Variants in LONP2 observed in about 807,000 individuals in gnomAD.
The protein encoded by LONP2 is lon peptidase 2, peroxisomal.
Under a neutral mutation model 85.6 loss-of-function variants are expected in LONP2, and 60 were observed. The observed-to-expected ratio is 0.70, with a 90% CI of 0.57 to 0.87. The LOEUF is 0.87. LONP2 is among the 40% of genes least tolerant of loss of function. The probability of loss-of-function intolerance (pLI) is 0.00; values close to 1 mark genes in which losing one functional copy is unlikely to be tolerated. For missense variants in LONP2, 860 were observed against 1,063.5 expected (o/e 0.81, Z 2.66); for synonymous variants, 395 against 389.7 (o/e 1.01, Z -0.16).
At position 48,268,639 on chromosome 16, in the gene LONP2, C is replaced by T. The variant is rs1972039832; in HGVS notation, c.983-1377C>T. Reference sequence around the variant, plus strand: ...GTAGGTTTTAGTGTCAGGGCTAGCACTGTGAAACAATTGAGAAACTCTCTA... The same window carrying T: ...GTAGGTTTTAGTGTCAGGGCTAGCATTGTGAAACAATTGAGAAACTCTCTA... On this transcript the variant is annotated intron_variant, in intron 6 of 14. Coordinates refer to ENST00000285737, the MANE Select transcript of LONP2 (RefSeq NM_031490.5). 2.6e-5 allele frequency among the ~76,000 whole-genome samples: 4 copies of T among 152,182 alleles called. No homozygotes were observed. The South Asian group carries it at 8.3e-4, about 32-fold the overall frequency.
chr16:48,262,515 G>A (rs1291413049), intron 5 of LONP2, among the ~76,000 whole-genome samples: 1 of 152,208 alleles, frequency 6.6e-6, no homozygotes, highest in East Asian at 1.9e-4. Context: ...ACTTTGTAGA[G>A]AAAGCAGAGC....
chr16:48,255,366 A>C (rs1305637867), intron 2 of LONP2, among the ~76,000 whole-genome samples: 1 of 152,160 alleles, frequency 6.6e-6, no homozygotes, highest in South Asian at 2.1e-4. Flanking sequence ...CACTTCCACT[A>C]CGTTTCATGG....
chr16:48,348,004 C>A, intron 13 of LONP2, 96 bp from the exon 14 acceptor site: 1 of 1,163,610 alleles, frequency 8.6e-7, no homozygotes, highest in Non-Finnish European at 1.2e-6. Flanking sequence ...AATTCATTTA[C>A]CCAAAACATT....
chr16:48,309,293 G>A (rs1273728192), intron 11 of LONP2, among the ~76,000 whole-genome samples: 1 of 151,944 alleles, frequency 6.6e-6, no homozygotes, highest in Non-Finnish European at 1.5e-5. Context: ...CCCACTACTG[G>A]GTATATACCC....
chr16:48,348,372 T>G, intron 14 of LONP2, 82 bp downstream of exon 14: 3 of 893,184 alleles, frequency 3.4e-6, no homozygotes, highest in Non-Finnish European at 4.5e-6. Context: ...CGGGTTTGCC[T>G]TCTTTCTATG....
chr16:48,309,747 GT>G (rs2151006547), intron 11 of LONP2, among the ~76,000 whole-genome samples: 1 of 152,118 alleles, frequency 6.6e-6, no homozygotes, highest in South Asian at 2.1e-4. Flanking sequence ...ATTGAGACTT[GT>G]TTTGTGGCCT....
chr16:48,261,960 A>C (rs1187848338), intron 5 of LONP2, among the ~76,000 whole-genome samples: 1 of 152,170 alleles, frequency 6.6e-6, no homozygotes, highest in Non-Finnish European at 1.5e-5. Context: ...CCCCAGTGTT[A>C]AACTGAAAGC....
chr16:48,261,440 C>T lies in LONP2; in HGVS notation c.740C>T (p.Pro247Leu), dbSNP rs750925310. The change falls in exon 5 of 15, where the codon CCT (proline) becomes CTT (leucine). Residue 247 changes from proline to leucine, a missense_variant. This residue lies in a region of LONP2 where 743 missense variants were observed against 917.3 expected (regional missense o/e 0.81). Coordinates refer to ENST00000285737, the MANE Select transcript of LONP2 (RefSeq NM_031490.5). ...DDDKRVIAIR[P>L]IRRITHISGT... Reference sequence around the variant, plus strand: ...CTATGTTAGGTTATAGCAATACGCCCTATTAGGAGAATTACACATATCTCA... The same window carrying T: ...CTATGTTAGGTTATAGCAATACGCCTTATTAGGAGAATTACACATATCTCA... 1 of 1,602,506 alleles carries T rather than the reference C, an allele frequency of 6.2e-7. No homozygotes were observed. The highest frequency in any genetic ancestry group is 8.5e-7 in the Non-Finnish European group (1 of 1,174,136).
At chr16:48,360,398 G>C (rs1315471892), downstream of LONP2, 1 of 111,060 alleles carries the variant, frequency 9.0e-6, no homozygotes, top group Non-Finnish European at 1.7e-5. Context: ...GTTATTTGCT[G>C]TGATTAGAGT....
chr16:48,326,587 A>G (rs906497635), intron 11 of LONP2, among the ~76,000 whole-genome samples: 1 of 152,114 alleles, frequency 6.6e-6, no homozygotes, highest in Non-Finnish European at 1.5e-5. Context: ...CTCCATTTCT[A>G]CCACATTCTG....
intron 8 of LONP2, among the ~76,000 whole-genome samples, chr16:48,292,245 G>A (rs1490455172): frequency 6.6e-6 from 1 of 152,202 alleles, no homozygotes; most frequent in East Asian, 1.9e-4. Flanking sequence ...TGTCCTGTAT[G>A]TGTAAAGAAT....
At chr16:48,259,180 T>C (rs1437424181) in intron 4 of LONP2, among the ~76,000 whole-genome samples, 1 of 152,258 alleles carries the variant, frequency 6.6e-6, no homozygotes, top group Admixed American at 6.5e-5. Context: ...GATCTTTTTT[T>C]GTTTTCTAAG....
At chr16:48,275,675 G>A (rs1972192948) in intron 7 of LONP2, among the ~76,000 whole-genome samples, 1 of 152,086 alleles carries the variant, frequency 6.6e-6, no homozygotes, top group South Asian at 2.1e-4. Context: ...TTTTTAAGGG[G>A]CGTAATAGTA....
intron 1 of LONP2, among the ~76,000 whole-genome samples, 186 bp from the exon 2 acceptor site, chr16:48,251,945 A>G (rs959044167): frequency 2.0e-5 from 3 of 152,206 alleles, no homozygotes; most frequent in South Asian, 4.1e-4. Flanking sequence ...CTGCTTTGCC[A>G]TATAGCTGAG....
downstream of LONP2, chr16:48,361,384 C>G (rs1453129400): frequency 3.6e-6 from 2 of 553,972 alleles, no homozygotes; most frequent in East Asian, 6.0e-5. Context: ...CAGTGGTTTA[C>G]TGTTGACTTA....
At chr16:48,290,467 C>T (rs1212840646) in intron 8 of LONP2, among the ~76,000 whole-genome samples, 1 of 152,170 alleles carries the variant, frequency 6.6e-6, no homozygotes, top group Non-Finnish European at 1.5e-5. Flanking sequence ...CTGCCTCCCC[C>T]TTCAGATGCC....
chr16:48,337,555 C>T (rs1959687512), intron 12 of LONP2, among the ~76,000 whole-genome samples: 1 of 152,042 alleles, frequency 6.6e-6, no homozygotes, highest in African/African-American at 2.4e-5. Context: ...TGGTTCTAGA[C>T]CTGACCAACT....
intron 7 of LONP2, among the ~76,000 whole-genome samples, chr16:48,273,509 G>A (rs113122096): frequency 4.9e-4 from 75 of 152,196 alleles, no homozygotes; most frequent in African/African-American, 1.4e-3. Flanking sequence ...TTTATGCTAC[G>A]TATTAACTCA....
intron 8 of LONP2, among the ~76,000 whole-genome samples, chr16:48,286,685 C>G (rs1275130697): frequency 6.6e-6 from 1 of 151,836 alleles, no homozygotes; most frequent in East Asian, 1.9e-4. Context: ...TTTGTAGAGA[C>G]AGGGTTTCGC....
Sources: gnomAD v4.1 joint callset for allele counts (sites outside exome capture counted in the v4.1 genomes callset) on GRCh38, gnomAD v4.1.1 for gene constraint, gnomAD v4.1.1 regional missense constraint, MANE v1.5 for transcripts, NCBI Gene and HGNC (gene_info 2026-07-23, HGNC 2026-07-21) for gene names.